Variants in PDE5A observed in about 807,000 individuals in gnomAD.
PDE5A encodes cGMP-specific 3',5'-cyclic phosphodiesterase.
Under a neutral mutation model 110.2 loss-of-function variants are expected in PDE5A, and 67 were observed. The observed-to-expected ratio is 0.61, with a 90% CI of 0.50 to 0.75. PDE5A has a LOEUF of 0.75. Ranked by LOEUF, PDE5A falls within the 30% of genes least tolerant of loss-of-function variation. The pLI, the probability that PDE5A is intolerant of heterozygous loss-of-function variation, is 0.00. For missense variants in PDE5A, 862 were observed against 1,045.1 expected, an observed-to-expected ratio of 0.82 and a Z score of 2.42; for synonymous variants, 328 against 351.2, an observed-to-expected ratio of 0.93 and a Z score of 0.74.
rs1276655449 is a variant in PDE5A, at chr4:119,628,603, C to T, written c.69G>A (p.Gln23=). ...CTTCGACCGAGTCCTGATCCCTCTGCTGCTGCTTCTGCTGCTGGGGCTGCT... is the reference window on the plus strand; with the variant it reads ...CTTCGACCGAGTCCTGATCCCTCTGTTGCTGCTTCTGCTGCTGGGGCTGCT... The part of the protein sequence containing the change: ...QQQQPQQQKQ[Q]QRDQDSVEAW... Residue 23 remains glutamine, a synonymous_variant, in exon 1 of 21, where the codon CAG becomes CAA. Transcript: ENST00000354960. The T allele has an allele frequency of 3.1e-6, 5 of 1,613,930 alleles. No individual in the cohort carries two copies. Among genetic ancestry groups the T allele is most frequent in the South Asian group, 1.1e-5 (1 of 91,046 alleles).
chr4:119,593,830 T>A (rs1170254742), intron 3 of PDE5A, among the ~76,000 whole-genome samples: 1 of 152,178 alleles, frequency 6.6e-6, no homozygotes, highest in Non-Finnish European at 1.5e-5. Flanking sequence ...TCCTCATTGC[T>A]GGGGAGTCCC....
intron 9 of PDE5A, chr4:119,552,325 A>C (rs1727385215): frequency 3.5e-6 from 1 of 285,906 alleles, no homozygotes; most frequent in South Asian, 8.4e-5. Flanking sequence ...TCATTCTTAA[A>C]CAAAAAATTC....
chr4:119,522,060 C>T (rs1286675975), intron 12 of PDE5A, among the ~76,000 whole-genome samples: 3 of 152,064 alleles, frequency 2.0e-5, no homozygotes, highest in African/African-American at 7.2e-5. Flanking sequence ...CGATTAGCTA[C>T]AGAAGTAGGC....
chr4:119,567,103 G>A lies in PDE5A; in HGVS notation c.873C>T (p.Asn291=), dbSNP rs199732889. The A allele has an allele frequency of 4.0e-5, 65 of 1,613,248 alleles. No homozygotes were observed. In the East Asian group the frequency reaches 6.5e-4, roughly 16 times the overall value. ...VAQAINKKSG[N]GGTFTEKDEK... ...CATCTTTTTCAGTAAATGTCCCACC[G>A]TTTCCTGATTTCTTGTTGATGGCCT... The change falls in exon 4 of 21, where the codon AAC becomes AAT. Residue 291 remains asparagine, a synonymous_variant. Transcript: ENST00000354960.
intron 3 of PDE5A, among the ~76,000 whole-genome samples, chr4:119,595,866 T>C (rs1313065248): frequency 2.0e-5 from 3 of 152,200 alleles, no homozygotes; most frequent in East Asian, 1.9e-4. Context: ...ATTAATACAA[T>C]TGGTAATCTT....
chr4:119,534,603 G>T (rs558154493), intron 11 of PDE5A, among the ~76,000 whole-genome samples: 18 of 152,208 alleles, frequency 1.2e-4, no homozygotes, highest in Non-Finnish European at 2.2e-4. Context: ...GATGCCATAG[G>T]TAATTACAGT....
intron 2 of PDE5A, among the ~76,000 whole-genome samples, chr4:119,597,425 T>C (rs973157420): frequency 1.3e-5 from 2 of 152,058 alleles, no homozygotes; most frequent in African/African-American, 4.8e-5. Flanking sequence ...TCAAATGTTA[T>C]CATTTTTACC....
At chr4:119,519,390 T>C (rs915771946) in intron 13 of PDE5A, 1 of 425,834 alleles carries the variant, frequency 2.3e-6, no homozygotes, top group East Asian at 3.6e-5. Flanking sequence ...ATTAATAATC[T>C]GTCCACCTAT....
chr4:119,559,802 C>T (rs960017328), intron 7 of PDE5A, among the ~76,000 whole-genome samples: 66 of 152,262 alleles, frequency 4.3e-4, no homozygotes, highest in Admixed American at 3.6e-3. Context: ...AAATAAAGGT[C>T]AGCAATTCAA....
chr4:119,626,883 AC>A (rs1432510035), intron 1 of PDE5A, among the ~76,000 whole-genome samples: 1 of 152,176 alleles, frequency 6.6e-6, no homozygotes, highest in Non-Finnish European at 1.5e-5. Flanking sequence ...CCTGAAAGTG[AC>A]TAAATTGACA....
intron 14 of PDE5A, among the ~76,000 whole-genome samples, chr4:119,517,748 T>G (rs2110467349): frequency 6.6e-6 from 1 of 152,038 alleles, no homozygotes; most frequent in East Asian, 1.9e-4. Context: ...ATCCATACAC[T>G]AATAATACAC....
intron 14 of PDE5A, among the ~76,000 whole-genome samples, chr4:119,515,255 CAT>C (rs1308838238): frequency 6.6e-6 from 1 of 152,180 alleles, no homozygotes; most frequent in Non-Finnish European, 1.5e-5. Flanking sequence ...GAACTTCACA[CAT>C]GATTTTGTGC....
At chr4:119,624,334 A>G (rs1431630862) in intron 1 of PDE5A, among the ~76,000 whole-genome samples, 1 of 152,198 alleles carries the variant, frequency 6.6e-6, no homozygotes, top group Non-Finnish European at 1.5e-5. Flanking sequence ...ATATTTATAT[A>G]CATAATCTGA....
At chr4:119,591,583 G>T (rs1728967043) in intron 3 of PDE5A, among the ~76,000 whole-genome samples, 1 of 152,162 alleles carries the variant, frequency 6.6e-6, no homozygotes. Context: ...ACACTACTCT[G>T]AGTTTGTTTA....
chr4:119,518,991 G>T, intron 14 of PDE5A, 54 bp downstream of exon 14: 1 of 1,270,818 alleles, frequency 7.9e-7, no homozygotes, highest in Non-Finnish European at 1.1e-6. Flanking sequence ...CTTAAAAAAA[G>T]ACAGCCCTAC....
At chr4:119,560,384 C>G (rs201568668) in intron 6 of PDE5A, 21 bp from the exon 7 acceptor site, 192 of 1,541,844 alleles carry the variant, frequency 1.2e-4, no homozygotes, top group Non-Finnish European at 2.1e-5. Context: ...ACAACACAGG[C>G]TGAGAAATAA....
In PDE5A at chr4:119,542,575, G is replaced by A. The variant is rs1332075239; in HGVS notation, c.1456C>T (p.Arg486Ter). ...ENTGKVKPFN[R>*]NDEQFLEAFV... Reference sequence around the variant, plus strand: ...GCTTCCAGAAACTGTTCGTCATTTCGGTTGAAAGGCTTAACCTTGCCAGTA... The same window carrying A: ...GCTTCCAGAAACTGTTCGTCATTTCAGTTGAAAGGCTTAACCTTGCCAGTA... Residue 486 changes from arginine to a stop codon, truncating the protein, a stop_gained, in exon 10 of 21, where the codon CGA (arginine) becomes TGA (stop). Coordinates refer to ENST00000354960, the MANE Select transcript of PDE5A (RefSeq NM_001083.4). LOFTEE classifies it high-confidence loss of function. The A allele has an allele frequency of 4.3e-6, 7 of 1,613,764 alleles. No homozygotes were observed. Among genetic ancestry groups the A allele is most frequent in the African/African-American group, 1.3e-5 (1 of 74,868 alleles).
intron 12 of PDE5A, 98 bp from the exon 13 acceptor site, chr4:119,521,158 A>G: frequency 8.3e-7 from 1 of 1,199,514 alleles, no homozygotes; most frequent in Non-Finnish European, 1.2e-6. Context: ...TTAGCCTGAT[A>G]CTCCGATTTG....
chr4:119,627,435 G>A lies in PDE5A; in HGVS notation c.152+1085C>T, dbSNP rs909794260. ...GGCGTCGAACCCGGGCGGGCTCCTC[G>A]ACCATCACTGCCGGGCGTGTGTCAC... On this transcript the variant is annotated intron_variant, in intron 1 of 20. Coordinates refer to ENST00000354960, the MANE Select transcript of PDE5A (RefSeq NM_001083.4). The surrounding 1 kb of genome is among the most constrained non-coding windows in gnomAD (Gnocchi z 4.6). The A allele has an allele frequency of 2.1e-4, 61 of 296,810 alleles. No individual in the cohort carries two copies. Among genetic ancestry groups the A allele is most frequent in the Non-Finnish European group, 2.6e-4 (53 of 200,164 alleles). 18.4% of individuals were successfully genotyped at this position (296,810 alleles called of 1,614,324 possible). A position where few individuals can be genotyped will look rare whatever the true frequency, so the allele number is the denominator to read the frequency against.
Sources: allele counts gnomAD v4.1 joint callset (sites outside exome capture counted in the v4.1 genomes callset), GRCh38; gene constraint gnomAD v4.1.1; non-coding constraint Gnocchi (gnomAD v3.1); transcripts MANE v1.5; gene names NCBI Gene and HGNC (gene_info 2026-07-23, HGNC 2026-07-21).